Variants in STAB2 observed in about 807,000 individuals in gnomAD.
The protein encoded by STAB2 is stabilin-2.
A neutral mutation model predicts 338.1 loss-of-function variants in STAB2; 288 were observed. The observed-to-expected ratio is 0.85, with a 90% CI of 0.77 to 0.94. STAB2 has a LOEUF of 0.94. Among genes scored for constraint, STAB2 ranks in the 40% least tolerant of loss-of-function variants. STAB2 has a pLI of 0.00. For missense variants in STAB2, 3,141 were observed against 3,210.1 expected, an observed-to-expected ratio of 0.98 and a Z score of 0.52; for synonymous variants, 1,202 against 1,193.3, an observed-to-expected ratio of 1.01 and a Z score of -0.15.
intron 51 of STAB2, among the ~76,000 whole-genome samples, chr12:103,734,738 G>GT (rs919369976): frequency 3.9e-4 from 59 of 151,750 alleles, no homozygotes; most frequent in South Asian, 8.3e-4. Flanking sequence ...CACAGAAGTG[G>GT]TTTTTTTTTG....
At chr12:103,659,950 T>C (rs2138765162) in intron 15 of STAB2, among the ~76,000 whole-genome samples, 1 of 152,342 alleles carries the variant, frequency 6.6e-6, no homozygotes, top group Middle Eastern at 3.4e-3. Context: ...CCTTAGACAT[T>C]CTGAGAAGTG....
intron 37 of STAB2, among the ~76,000 whole-genome samples, chr12:103,706,580 C>T (rs1879366371): frequency 6.6e-6 from 1 of 152,080 alleles, no homozygotes; most frequent in Non-Finnish European, 1.5e-5. Context: ...TTCCTACCTC[C>T]TTAGTGGAGC....
chr12:103,716,968 G>A (rs1880366599), intron 43 of STAB2, among the ~76,000 whole-genome samples: 1 of 152,186 alleles, frequency 6.6e-6, no homozygotes, highest in South Asian at 2.1e-4. Context: ...AAGAGGAAGA[G>A]AAACGGGAAA....
At chr12:103,634,191 G>A (rs185979061) in intron 6 of STAB2, among the ~76,000 whole-genome samples, 83 of 151,908 alleles carry the variant, frequency 5.5e-4, no homozygotes, top group Middle Eastern at 3.4e-3. Context: ...AAAATTGTGC[G>A]CCAAGGTGTC....
intron 51 of STAB2, among the ~76,000 whole-genome samples, chr12:103,734,630 C>G (rs1013992445): frequency 6.6e-6 from 1 of 152,208 alleles, no homozygotes; most frequent in Non-Finnish European, 1.5e-5. Flanking sequence ...CTGCTCAGTT[C>G]AAGAATGCCA....
rs531566747 is a variant in STAB2, at chr12:103,613,957, G to A, written c.332-6511G>A. 2.6e-5 allele frequency among the ~76,000 whole-genome samples: 4 copies of A among 152,128 alleles called. No individual in the cohort carries two copies. The East Asian group carries it at 7.7e-4, about 29-fold the overall frequency. The stretch of plus-strand genomic sequence containing the variant: ...TATTTTGAACATTGTATTTTCATTG[G>A]TAGAAGTTCAATTTGGTTTTGTTTA... On this transcript the variant is annotated intron_variant, in intron 3 of 68. Transcript: ENST00000388887.
chr12:103,640,914 T>G (rs1231670627), intron 9 of STAB2, among the ~76,000 whole-genome samples: 1 of 152,110 alleles, frequency 6.6e-6, no homozygotes, highest in Non-Finnish European at 1.5e-5. Flanking sequence ...CTTCATAAGG[T>G]TGTTGTGATG....
At chr12:103,629,480 C>T (rs1282140246) in intron 5 of STAB2, among the ~76,000 whole-genome samples, 1 of 152,106 alleles carries the variant, frequency 6.6e-6, no homozygotes, top group Non-Finnish European at 1.5e-5. Context: ...CTCTAGTTGT[C>T]GTAGGGTGCA....
intron 6 of STAB2, among the ~76,000 whole-genome samples, chr12:103,632,436 G>A (rs1355178692): frequency 6.6e-6 from 1 of 152,188 alleles, no homozygotes; most frequent in African/African-American, 2.4e-5. Flanking sequence ...GAAGTTTGCT[G>A]TTTTATCCAG....
intron 3 of STAB2, among the ~76,000 whole-genome samples, chr12:103,620,198 G>A (rs541325297): frequency 2.6e-5 from 4 of 152,214 alleles, no homozygotes; most frequent in Non-Finnish European, 5.9e-5. Context: ...GGTTGCAATA[G>A]GAGTGATCTA....
At position 103,762,261 on chromosome 12, in the gene STAB2, T is replaced by TC; in HGVS notation, c.7360-12dup. ...GTTTTAAGAATGGGCCCCTTTCCTTTCTTTGTGTTCAGACCTTGACCCACA... is the reference window on the plus strand; with the variant it reads ...GTTTTAAGAATGGGCCCCTTTCCTTTCCTTTGTGTTCAGACCTTGACCCACA... On this transcript the variant is annotated splice_polypyrimidine_tract_variant and intron_variant, in intron 66 of 68. Transcript: ENST00000388887. 2 of 1,612,984 alleles carry TC rather than the reference T, an allele frequency of 1.2e-6. No homozygotes were observed. Among genetic ancestry groups the TC allele is most frequent in the Non-Finnish European group, 1.7e-6 (2 of 1,179,598 alleles).
intron 12 of STAB2, among the ~76,000 whole-genome samples, chr12:103,653,656 CTGGATGGA>C (rs59352583): frequency 0.023 from 1,713 of 73,710 alleles, 50 homozygotes; most frequent in African/African-American, 0.077. Flanking sequence ...GGATAGGTCA[CTGGATGGA>C]TGGATGGATG....
chr12:103,697,664 A>G (rs1878518052), intron 33 of STAB2, among the ~76,000 whole-genome samples: 1 of 152,268 alleles, frequency 6.6e-6, no homozygotes. Context: ...CAAGGTCCAC[A>G]GGAGATGGAA....
chr12:103,709,767 G>C (rs969013721), intron 39 of STAB2, among the ~76,000 whole-genome samples: 1 of 152,176 alleles, frequency 6.6e-6, no homozygotes, highest in Admixed American at 6.5e-5. Flanking sequence ...AAATGTCAGG[G>C]TACAGAGCCA....
chr12:103,670,531 G>A (rs948633400), intron 21 of STAB2, among the ~76,000 whole-genome samples, 165 bp from the exon 22 acceptor site: 1 of 152,192 alleles, frequency 6.6e-6, no homozygotes, highest in Non-Finnish European at 1.5e-5. Context: ...GCTCGGCACT[G>A]CTTTAGCAGC....
At chr12:103,632,281 C>T (rs369324183) in intron 6 of STAB2, among the ~76,000 whole-genome samples, 5 of 152,274 alleles carry the variant, frequency 3.3e-5, no homozygotes, top group East Asian at 3.9e-4. Flanking sequence ...ATAATTAGTA[C>T]GCTATGATAG....
intron 5 of STAB2, among the ~76,000 whole-genome samples, chr12:103,626,860 C>G (rs1250161609): frequency 6.6e-6 from 1 of 152,168 alleles, no homozygotes; most frequent in East Asian, 1.9e-4. Context: ...CGAGCTGCAC[C>G]AGCCAAAGAT....
At chr12:103,724,055 A>G (rs1174726393) in intron 44 of STAB2, among the ~76,000 whole-genome samples, 2 of 152,194 alleles carry the variant, frequency 1.3e-5, no homozygotes, top group Non-Finnish European at 1.5e-5. Flanking sequence ...GGACGGCAAC[A>G]TCAAGAATGA....
intron 51 of STAB2, among the ~76,000 whole-genome samples, chr12:103,734,347 A>G (rs1292214596): frequency 6.6e-6 from 1 of 151,350 alleles, no homozygotes; most frequent in Non-Finnish European, 1.5e-5. Flanking sequence ...ACATGGGAGC[A>G]TGCACAGTCT....
Sources: allele counts gnomAD v4.1 joint callset (sites outside exome capture counted in the v4.1 genomes callset), GRCh38; gene constraint gnomAD v4.1.1; transcripts MANE v1.5; gene names NCBI Gene and HGNC (gene_info 2026-07-23, HGNC 2026-07-21).